Variants in MEIOB observed in about 807,000 individuals in gnomAD.
The protein encoded by MEIOB is meiosis-specific with OB domain-containing protein.
Under a neutral mutation model 53.1 loss-of-function variants are expected in MEIOB, and 50 were observed. The observed-to-expected ratio is 0.94, with a 90% CI of 0.75 to 1.19. The LOEUF (loss-of-function observed/expected upper bound fraction) is 1.19. MEIOB is among the 50% of genes most tolerant of loss of function. The probability of loss-of-function intolerance (pLI) is 0.00; values close to 1 mark genes in which losing one functional copy is unlikely to be tolerated. For missense variants in MEIOB, 551 were observed against 550.8 expected, an observed-to-expected ratio of 1.00 and a Z score of 0.00; for synonymous variants, 192 against 182.5, an observed-to-expected ratio of 1.05 and a Z score of -0.42.
chr16:1,846,023 A>T (rs62038434), intron 9 of MEIOB, among the ~76,000 whole-genome samples: 1 of 152,080 alleles, frequency 6.6e-6, no homozygotes, highest in South Asian at 2.1e-4. Flanking sequence ...AATCCTTGCC[A>T]GCACGCAGTG....
chr16:1,850,693 G>A (rs1899147262), intron 9 of MEIOB, among the ~76,000 whole-genome samples: 1 of 152,066 alleles, frequency 6.6e-6, no homozygotes, highest in Admixed American at 6.6e-5. Context: ...GGCTGAGGCA[G>A]GCAGATCACA....
At chr16:1,856,965 T>C (rs1017500319) in intron 6 of MEIOB, among the ~76,000 whole-genome samples, 163 of 47,078 alleles carry the variant, frequency 3.5e-3, no homozygotes, top group Non-Finnish European at 4.0e-3. Flanking sequence ...AGTTTCACCA[T>C]GTTGCCCCAG....
chr16:1,868,071 C>A, intron 2 of MEIOB, 36 bp downstream of exon 2: 2 of 1,104,668 alleles, frequency 1.8e-6, no homozygotes, highest in South Asian at 2.9e-5. Context: ...CATAAAATGT[C>A]ATCAGTAAGC....
chr16:1,836,326 G>A (rs974087839), intron 13 of MEIOB, among the ~76,000 whole-genome samples: 3 of 152,202 alleles, frequency 2.0e-5, no homozygotes, highest in Non-Finnish European at 2.9e-5. Context: ...CTGGGAAAGT[G>A]CAGTATCCAC....
In MEIOB at chr16:1,844,820, C is replaced by T. The variant is rs758920947; in HGVS notation, c.880+42G>A. The T allele has an allele frequency of 2.1e-5, 21 of 1,006,804 alleles. No homozygotes were observed. In the South Asian group the frequency reaches 2.1e-4, roughly 10 times the overall value. The allele number at this position is 1,006,804 out of a possible 1,614,324, so 62.4% of individuals were successfully genotyped here. On this transcript the variant is annotated intron_variant, in intron 10 of 13. Coordinates refer to ENST00000325962, the MANE Select transcript of MEIOB (RefSeq NM_001163560.3). ...AAACAAACCTTTACAGGCCCAATTT[C>T]GGCCTTTAAAAAAATCCAAATATAT... is the stretch of plus-strand genomic sequence containing the variant.
At chr16:1,840,402 G>C (rs572303718) in intron 11 of MEIOB, among the ~76,000 whole-genome samples, 2 of 152,010 alleles carry the variant, frequency 1.3e-5, no homozygotes, top group African/African-American at 4.8e-5. Flanking sequence ...ACACACACAC[G>C]ACTGCATGTG....
At position 1,854,158 on chromosome 16, in the gene MEIOB, CT is replaced by C; in HGVS notation, c.570del (p.Gly191AlafsTer18). On this transcript the variant is annotated frameshift_variant, in exon 7 of 14. Transcript: ENST00000325962. LOFTEE classifies it high-confidence loss of function. The part of the protein sequence containing the change: ...PKYFTTSDRR[K>X]GQRCEVRLYD... ...TAGAGTCTAACTTCACACCTCTGGCCTTTTCTCCGGTCTGAAGTTGTAAAGT... is the reference window on the plus strand; with the variant it reads ...TAGAGTCTAACTTCACACCTCTGGCCTTTCTCCGGTCTGAAGTTGTAAAGT... 1 of 1,550,994 alleles carries C rather than the reference CT, an allele frequency of 6.4e-7. No homozygotes were observed. Among genetic ancestry groups the C allele is most frequent in the Non-Finnish European group, 8.7e-7 (1 of 1,146,608 alleles).
intron 3 of MEIOB, among the ~76,000 whole-genome samples, chr16:1,865,361 G>C (rs1899560040): frequency 6.6e-6 from 1 of 151,546 alleles, no homozygotes; most frequent in South Asian, 2.1e-4. Context: ...GAACCCAGGA[G>C]GCAGAGGTTG....
chr16:1,857,185 C>G (rs1899328625), intron 6 of MEIOB, among the ~76,000 whole-genome samples: 1 of 152,196 alleles, frequency 6.6e-6, no homozygotes, highest in South Asian at 2.1e-4. Context: ...CAGACAGACG[C>G]TGATGCACCA....
intron 9 of MEIOB, among the ~76,000 whole-genome samples, chr16:1,851,905 T>G (rs919766375): frequency 3.9e-5 from 6 of 152,194 alleles, no homozygotes; most frequent in African/African-American, 1.4e-4. Context: ...AGTACTGGCT[T>G]GACGGTTATG....
At chr16:1,867,173 G>C (rs404772) in intron 2 of MEIOB, among the ~76,000 whole-genome samples, 125,578 of 152,146 alleles carry the variant, frequency 0.83, 51,948 homozygotes, top group Middle Eastern at 0.9. Flanking sequence ...AAATAGCAGA[G>C]TGCTCAGGGG....
intron 13 of MEIOB, among the ~76,000 whole-genome samples, chr16:1,837,009 A>T (rs1898765988): frequency 6.6e-6 from 1 of 152,054 alleles, no homozygotes; most frequent in Non-Finnish European, 1.5e-5. Context: ...CTCACCTGTG[A>T]CCCAGTGCAA....
intron 3 of MEIOB, among the ~76,000 whole-genome samples, chr16:1,862,890 GA>G (rs1168861092): frequency 2.0e-5 from 3 of 151,730 alleles, no homozygotes; most frequent in Non-Finnish European, 2.9e-5. Flanking sequence ...GGTGACAAGA[GA>G]AAAACTCTTG....
At chr16:1,861,001 A>G (rs771522654) in intron 4 of MEIOB, among the ~76,000 whole-genome samples, 8 of 152,292 alleles carry the variant, frequency 5.3e-5, no homozygotes, top group South Asian at 4.1e-4. Flanking sequence ...GGCTCATAAA[A>G]GTTATCTGTT....
At chr16:1,841,767 CA>C (rs1307895559) in intron 11 of MEIOB, 52 bp downstream of exon 11, 2 of 1,327,292 alleles carry the variant, frequency 1.5e-6, no homozygotes, top group African/African-American at 3.0e-5. Flanking sequence ...AATTTATTAA[CA>C]ATAATTATTT....
At chr16:1,850,321 G>A (rs1899134364) in intron 9 of MEIOB, among the ~76,000 whole-genome samples, 1 of 152,190 alleles carries the variant, frequency 6.6e-6, no homozygotes. Flanking sequence ...GCTCATGCCT[G>A]TAATCCCAGC....
chr16:1,850,125 TATA>T (rs1419448445), intron 9 of MEIOB, among the ~76,000 whole-genome samples: 3 of 152,230 alleles, frequency 2.0e-5, no homozygotes, highest in Non-Finnish European at 4.4e-5. Flanking sequence ...CACAACATCC[TATA>T]ATATCTGTCT....
chr16:1,856,359 G>A (rs1268558296), intron 6 of MEIOB, among the ~76,000 whole-genome samples: 3 of 150,504 alleles, frequency 2.0e-5, no homozygotes, highest in Admixed American at 1.3e-4. Context: ...TCGCTCTGTC[G>A]CCCAGGCTGG....
intron 7 of MEIOB, 36 bp from the exon 8 acceptor site, chr16:1,853,307 T>A (rs1403330242): frequency 5.5e-6 from 8 of 1,446,244 alleles, no homozygotes; most frequent in African/African-American, 1.4e-5. Flanking sequence ...ACAAATTGAA[T>A]ACACTAGAAA....
Sources: gnomAD v4.1 joint callset for allele counts (sites outside exome capture counted in the v4.1 genomes callset) on GRCh38, gnomAD v4.1.1 for gene constraint, MANE v1.5 for transcripts, NCBI Gene and HGNC (gene_info 2026-07-23, HGNC 2026-07-21) for gene names.